The following FRMD4A variants were observed in gnomAD, a reference collection of about 807,000 sequenced individuals.
FRMD4A encodes FERM domain containing 4A.
In FRMD4A, 29 loss-of-function variants were observed where a neutral mutation model predicts 129.1. The ratio of observed to expected loss-of-function variants is 0.22; its 90% CI spans 0.17 to 0.31. The LOEUF is 0.31. Among genes scored for constraint, FRMD4A ranks in the 10% least tolerant of loss-of-function variants. FRMD4A has a pLI of 1.00. For missense variants in FRMD4A, 1,272 were observed against 1,375.8 expected, an observed-to-expected ratio of 0.92 and a Z score of 1.19; for synonymous variants, 634 against 571.6, an observed-to-expected ratio of 1.11 and a Z score of -1.56.
At chr10:13,890,471 C>T (rs377146650) in intron 2 of FRMD4A, 4 of 943,996 alleles carry the variant, frequency 4.2e-6, no homozygotes, top group African/African-American at 1.8e-5. Context: ...TGGAAAAGGA[C>T]GACTTACGGA....
chr10:13,704,058 C>G (rs920219148), intron 13 of FRMD4A, among the ~76,000 whole-genome samples: 4 of 152,138 alleles, frequency 2.6e-5, no homozygotes, highest in African/African-American at 9.7e-5. Flanking sequence ...GGATACCCCA[C>G]GTACCCTGCC....
intron 2 of FRMD4A, among the ~76,000 whole-genome samples, chr10:14,018,331 CTG>C (rs1433277021): frequency 3.3e-5 from 5 of 151,296 alleles, no homozygotes; most frequent in Non-Finnish European, 7.4e-5. Flanking sequence ...TGGCAGGCGT[CTG>C]TAGTCCCAGC....
chr10:14,329,151 G>A lies in FRMD4A; in HGVS notation c.45+907C>T, dbSNP rs1471737615. ...AAGTTGCATTTCCCCTCCTCATTCC[G>A]AAGACACAAATCAATATACACAGAA... On this transcript the variant is annotated intron_variant, in intron 2 of 24. Coordinates refer to ENST00000357447, the MANE Select transcript of FRMD4A (RefSeq NM_018027.5). Among the ~76,000 whole-genome samples, 5 of 152,112 alleles carry A rather than the reference G, an allele frequency of 3.3e-5. No homozygotes were observed. In the South Asian group the frequency reaches 6.2e-4, roughly 19 times the overall value.
chr10:14,302,149 A>G (rs569467049), intron 2 of FRMD4A, among the ~76,000 whole-genome samples: 2 of 152,206 alleles, frequency 1.3e-5, no homozygotes, highest in South Asian at 4.2e-4. Flanking sequence ...ATTTTCTCCA[A>G]CCCTGTCCTT....
intron 2 of FRMD4A, among the ~76,000 whole-genome samples, chr10:14,210,159 T>C (rs1023752460): frequency 7.2e-5 from 11 of 152,172 alleles, no homozygotes; most frequent in African/African-American, 2.7e-4. Flanking sequence ...AATTATTCCA[T>C]TGAAATCCTA....
intron 2 of FRMD4A, among the ~76,000 whole-genome samples, chr10:14,154,096 C>G (rs1015154006): frequency 2.0e-5 from 3 of 152,130 alleles, no homozygotes; most frequent in African/African-American, 7.2e-5. Context: ...AAATACTTGA[C>G]TGGAAAGTAT....
chr10:13,950,887 CT>C (rs1197398434), intron 2 of FRMD4A, among the ~76,000 whole-genome samples: 1 of 152,198 alleles, frequency 6.6e-6, no homozygotes, highest in Non-Finnish European at 1.5e-5. Context: ...AGAATGGAAG[CT>C]TCCCTTATAT....
intron 2 of FRMD4A, among the ~76,000 whole-genome samples, chr10:14,252,608 A>T (rs1844477795): frequency 6.6e-6 from 1 of 152,238 alleles, no homozygotes; most frequent in East Asian, 1.9e-4. Context: ...GTGAGTTCTC[A>T]GGTCACTCAT....
chr10:14,295,236 T>C (rs7922886), intron 2 of FRMD4A, among the ~76,000 whole-genome samples: 48,715 of 151,696 alleles, frequency 0.32, 8,135 homozygotes, highest in Middle Eastern at 0.37. Context: ...CACCTCCTGA[T>C]TTCACTCCTG....
intron 2 of FRMD4A, among the ~76,000 whole-genome samples, chr10:14,185,613 AGG>A (rs1554779777): frequency 1.4e-5 from 2 of 139,534 alleles, no homozygotes; most frequent in African/African-American, 5.2e-5. Flanking sequence ...AGAGACAGAA[AGG>A]GGATATATAC....
chr10:13,702,245 G>C (rs1030724047), intron 13 of FRMD4A, among the ~76,000 whole-genome samples: 12 of 152,030 alleles, frequency 7.9e-5, no homozygotes, highest in African/African-American at 2.7e-4. Flanking sequence ...CTACTTTTTT[G>C]TATTTTTAGT....
chr10:13,713,819 AAT>A (rs2088305428), intron 12 of FRMD4A, among the ~76,000 whole-genome samples: 1 of 88,102 alleles, frequency 1.1e-5, no homozygotes, highest in Admixed American at 1.7e-4. Context: ...ACATATATAT[AAT>A]ATATATACAT....
At chr10:14,177,636 T>C (rs1490184820) in intron 2 of FRMD4A, among the ~76,000 whole-genome samples, 1 of 152,246 alleles carries the variant, frequency 6.6e-6, no homozygotes. Context: ...GGGGGGACTA[T>C]GCCAAGGTTA....
intron 14 of FRMD4A, among the ~76,000 whole-genome samples, 195 bp from the exon 15 acceptor site, chr10:13,694,234 G>C (rs1005457914): frequency 6.6e-6 from 1 of 152,248 alleles, no homozygotes; most frequent in Admixed American, 6.5e-5. Context: ...AGCAGAGGCA[G>C]CTCAAGAGCT....
chr10:13,953,789 T>C (rs2095390261), intron 2 of FRMD4A, among the ~76,000 whole-genome samples: 1 of 152,232 alleles, frequency 6.6e-6, no homozygotes, highest in South Asian at 2.1e-4. Context: ...GTAATGTATA[T>C]ATAGTGTATA....
At chr10:13,884,501 AG>A (rs1177649654) in intron 2 of FRMD4A, among the ~76,000 whole-genome samples, 2 of 152,184 alleles carry the variant, frequency 1.3e-5, no homozygotes, top group Non-Finnish European at 1.5e-5. Flanking sequence ...TCAAGATAAA[AG>A]CTTTTTCTGA....
At chr10:13,901,005 C>T (rs142780053) in intron 2 of FRMD4A, among the ~76,000 whole-genome samples, 5 of 152,364 alleles carry the variant, frequency 3.3e-5, no homozygotes, top group Non-Finnish European at 7.3e-5. Context: ...GTCTTCGCAA[C>T]AGCCCTCTGA....
intron 8 of FRMD4A, among the ~76,000 whole-genome samples, chr10:13,759,647 C>G (rs1009683156): frequency 6.6e-6 from 1 of 151,966 alleles, no homozygotes; most frequent in African/African-American, 2.4e-5. Context: ...TTATCAAAAC[C>G]CCAAATTCCA....
intron 2 of FRMD4A, among the ~76,000 whole-genome samples, chr10:14,043,836 T>C (rs922242): frequency 0.32 from 48,205 of 152,048 alleles, 7,716 homozygotes; most frequent in East Asian, 0.44. Flanking sequence ...GTCATCTTTT[T>C]TTTTTCTTAA....
Sources: allele counts gnomAD v4.1 joint callset (sites outside exome capture counted in the v4.1 genomes callset), GRCh38; gene constraint gnomAD v4.1.1; transcripts MANE v1.5; gene names NCBI Gene and HGNC (gene_info 2026-07-23, HGNC 2026-07-21).